The following HS3ST6 variants were observed in gnomAD, a reference collection of about 807,000 sequenced individuals.
HS3ST6 encodes the protein heparan sulfate-glucosamine 3-sulfotransferase 6, also known as heparan sulfate glucosamine 3-O-sulfotransferase 6.
HS3ST6 carries 13 observed loss-of-function variants against 11.0 expected under a neutral mutation model. That is an observed-to-expected ratio of 1.18 (90% CI 0.77 to 1.88). HS3ST6 has a LOEUF of 1.88. Among genes scored for constraint, HS3ST6 ranks in the 40% most tolerant of loss-of-function variants. The pLI is 0.00. For missense variants in HS3ST6, 541 were observed against 494.4 expected, an observed-to-expected ratio of 1.09 and a Z score of -0.89; for synonymous variants, 232 against 230.6, an observed-to-expected ratio of 1.01 and a Z score of -0.06.
chr16:1,912,272 G>C lies in HS3ST6; in HGVS notation c.414-67C>G. On this transcript the variant is annotated intron_variant, in intron 1 of 1. Coordinates refer to ENST00000454677, the MANE Select transcript of HS3ST6 (RefSeq NM_001009606.4). The surrounding 1 kb of genome is among the most constrained non-coding windows in gnomAD (Gnocchi z 5.6). ...GCCCTAGACCGGCCCCCAGGGGCCCGGGACCAAGGCCCCCTTATGCCCGGG... is the reference window on the plus strand; with the variant it reads ...GCCCTAGACCGGCCCCCAGGGGCCCCGGACCAAGGCCCCCTTATGCCCGGG... The C allele has an allele frequency of 8.7e-6, 11 of 1,265,074 alleles. No homozygotes were observed. The highest frequency in any genetic ancestry group is 1.1e-5 in the Non-Finnish European group (11 of 997,600). 78.4% of individuals were successfully genotyped at this position (1,265,074 alleles called of 1,614,324 possible). A position where few individuals can be genotyped will look rare whatever the true frequency, so the allele number is the denominator to read the frequency against.
Position 1,912,039 on chromosome 16 carries a change from T to A in HS3ST6, c.580A>T (p.Thr194Ser), listed in dbSNP as rs1388795517. ...VTRAISDYAQ[T>S]LSKTPGLPSF... The stretch of plus-strand genomic sequence containing the variant: ...GGCAGGCCCGGGGTCTTGGAGAGCG[T>A]CTGGGCGTAGTCGGAGATGGCCCGG... Residue 194 changes from threonine (T) to serine (S), a missense_variant, in exon 2 of 2, where the codon ACG becomes TCG. By Grantham distance (58) the Thr-to-Ser change is moderately conservative. Transcript: ENST00000454677. The surrounding 1 kb of genome is among the most constrained non-coding windows in gnomAD (Gnocchi z 5.6). 1 of 1,520,694 alleles carries A rather than the reference T, an allele frequency of 6.6e-7. No homozygotes were observed. The highest frequency in any genetic ancestry group is 8.8e-7 in the Non-Finnish European group (1 of 1,136,184). 94.2% of individuals were successfully genotyped at this position (1,520,694 alleles called of 1,614,324 possible). A position where few individuals can be genotyped will look rare whatever the true frequency, so the allele number is the denominator to read the frequency against.
upstream of HS3ST6, among the ~76,000 whole-genome samples, chr16:1,919,184 C>A (rs1039058804): frequency 6.6e-6 from 1 of 152,214 alleles, no homozygotes; most frequent in Non-Finnish European, 1.5e-5. Context: ...TGGCACTGCC[C>A]AGAGACATCA....
At chr16:1,918,771 G>A (rs2082945370), upstream of HS3ST6, among the ~76,000 whole-genome samples, 1 of 150,416 alleles carries the variant, frequency 6.6e-6, no homozygotes, top group South Asian at 2.2e-4. The surrounding 1 kb of genome is among the most constrained non-coding windows in gnomAD (Gnocchi z 6.0). Context: ...ACCCCACTCC[G>A]GGACGTGCGC....
At chr16:1,915,456 A>T (rs949690336) in intron 1 of HS3ST6, among the ~76,000 whole-genome samples, 3 of 152,134 alleles carry the variant, frequency 2.0e-5, no homozygotes, top group Admixed American at 1.3e-4. Flanking sequence ...TTGTATTTTT[A>T]GTAGAGATGG....
At position 1,912,856 on chromosome 16, in the gene HS3ST6, A is replaced by G. The variant is rs1170980958; in HGVS notation, c.414-651T>C. 1.3e-5 allele frequency among the ~76,000 whole-genome samples: 2 copies of G among 152,064 alleles called. No individual in the cohort carries two copies. The highest frequency in any genetic ancestry group is 2.1e-4 in the South Asian group (1 of 4,816). On this transcript the variant is annotated intron_variant, in intron 1 of 1. Coordinates refer to ENST00000454677, the MANE Select transcript of HS3ST6 (RefSeq NM_001009606.4). The surrounding 1 kb of genome is among the most constrained non-coding windows in gnomAD (Gnocchi z 5.6). ...ACCCAGGCTGGAGTGTAGTGGTGCA[A>G]TCTCGGCTCACTGCAACCTCTGCCT...
At chr16:1,920,571 C>T (rs1444100227), upstream of HS3ST6, among the ~76,000 whole-genome samples, 1 of 152,214 alleles carries the variant, frequency 6.6e-6, no homozygotes, top group East Asian at 1.9e-4. Context: ...CATCTCCTGG[C>T]CTTTCCGCTG....
At position 1,917,903 on chromosome 16, in the gene HS3ST6, G is replaced by T; in HGVS notation, c.413+8C>A. On this transcript the variant is annotated splice_region_variant and intron_variant, in intron 1 of 1. Transcript: ENST00000454677. The stretch of plus-strand genomic sequence containing the variant: ...CGCCGGTCAGGGCGGACGGGCCAGG[G>T]TGCTCACCGGTACCAGGCGAGGCCG... 6.9e-7 allele frequency: 1 copy of T among 1,449,056 alleles called. No homozygotes were observed. Among genetic ancestry groups the T allele is most frequent in the Non-Finnish European group, 9.1e-7 (1 of 1,100,436 alleles). 89.8% of individuals were successfully genotyped at this position (1,449,056 alleles called of 1,614,324 possible). A position where few individuals can be genotyped will look rare whatever the true frequency, so the allele number is the denominator to read the frequency against.
rs2082890767 is a variant in HS3ST6, at chr16:1,911,889, A to G, written c.730T>C (p.Phe244Leu). The G allele has an allele frequency of 1.2e-6, 2 of 1,606,722 alleles. No homozygotes were observed. Among genetic ancestry groups the G allele is most frequent in the African/African-American group, 2.7e-5 (2 of 74,816 alleles). The part of the protein sequence containing the change: ...HWLRYFPLSH[F>L]LFVSGERLVS... ...AGACGCTCCCCGCTGACGAACAGGA[A>G]GTGGGACAGGGGGAAGTAGCGCAGC... Residue 244 changes from phenylalanine (F) to leucine (L), a missense_variant, in exon 2 of 2, where the codon TTC becomes CTC. Coordinates refer to ENST00000454677, the MANE Select transcript of HS3ST6 (RefSeq NM_001009606.4).
In HS3ST6 at chr16:1,918,326, G is replaced by T. The variant is rs2082941701; in HGVS notation, c.-3C>A. On this transcript the variant is annotated 5_prime_UTR_variant, in exon 1 of 2. Transcript: ENST00000454677. This position sits in a 1 kb window ranked among gnomAD's most constrained non-coding sequence, Gnocchi z 6.0. ...CCCAGGCCGCCGCTACCTGCCATGG[G>T]GTCGCGCCGCTCCAGGCCCGGGAGC... is the stretch of plus-strand genomic sequence containing the variant. The T allele has an allele frequency of 2.3e-6, 1 of 433,560 alleles. No individual in the cohort carries two copies. The highest frequency in any genetic ancestry group is 1.0e-4 in the South Asian group (1 of 9,584). The allele number at this position is 433,560 out of a possible 1,614,324, so 26.9% of individuals were successfully genotyped here. A position where few individuals can be genotyped will look rare whatever the true frequency, so the allele number is the denominator to read the frequency against.
Position 1,912,894 on chromosome 16 carries a change from C to T in HS3ST6, c.414-689G>A, listed in dbSNP as rs920324016. ...GCAACCTCTGCCTCCCGGGTTCAAG[C>T]GATTTTCCTGCCTCAGCCCCCGGAG... On this transcript the variant is annotated intron_variant, in intron 1 of 1. Transcript: ENST00000454677. The surrounding 1 kb of genome is among the most constrained non-coding windows in gnomAD (Gnocchi z 5.6). Among the ~76,000 whole-genome samples the T allele has an allele frequency of 2.6e-5, 4 of 152,158 alleles. No individual in the cohort carries two copies. Among genetic ancestry groups the T allele is most frequent in the African/African-American group, 7.2e-5 (3 of 41,428 alleles).
At chr16:1,915,378 C>T (rs953750201) in intron 1 of HS3ST6, among the ~76,000 whole-genome samples, 1 of 152,194 alleles carries the variant, frequency 6.6e-6, no homozygotes, top group African/African-American at 2.4e-5. Context: ...CGGGTTCAAG[C>T]GATTCTCCTG....
intron 1 of HS3ST6, among the ~76,000 whole-genome samples, chr16:1,917,426 A>C (rs968361455): frequency 2.0e-5 from 3 of 152,084 alleles, no homozygotes; most frequent in Non-Finnish European, 2.9e-5. Flanking sequence ...AGGACCACCA[A>C]CAAGGGTTCC....
intron 1 of HS3ST6, 43 bp downstream of exon 1, chr16:1,917,868 C>T (rs2082936764): frequency 2.3e-6 from 3 of 1,316,960 alleles, no homozygotes; most frequent in East Asian, 3.1e-5. Context: ...CGATACCCTC[C>T]CCAGGAAGGC....
At chr16:1,920,354 T>C (rs3951148), upstream of HS3ST6, among the ~76,000 whole-genome samples, 35 of 53,072 alleles carry the variant, frequency 6.6e-4, no homozygotes, top group East Asian at 2.6e-3. Flanking sequence ...ACGGTCTGAG[T>C]CCCCACGGTC....
intron 1 of HS3ST6, among the ~76,000 whole-genome samples, chr16:1,917,362 C>T (rs1050711235): frequency 6.6e-6 from 1 of 152,210 alleles, no homozygotes; most frequent in African/African-American, 2.4e-5. Context: ...ACCCTGGGCA[C>T]TCACCTAAAG....
In HS3ST6 at chr16:1,911,644, C is replaced by T; in HGVS notation, c.975G>A (p.Arg325=). The change falls in exon 2 of 2, where the codon CGG becomes CGA. Residue 325 remains arginine, a synonymous_variant. Transcript: ENST00000454677. ...TCTGGTAGAACCTGCGGTTGAAGGG[C>T]CGGTAGAACTCCTGCAGGCGCCGGA... is the stretch of plus-strand genomic sequence containing the variant. The part of the protein sequence containing the change: ...ALVRRLQEFY[R]PFNRRFYQMT... 1.2e-6 allele frequency: 2 copies of T among 1,609,598 alleles called. No individual in the cohort carries two copies. Among genetic ancestry groups the T allele is most frequent in the South Asian group, 1.1e-5 (1 of 90,664 alleles).
At chr16:1,917,666 G>T (rs1172842282) in intron 1 of HS3ST6, among the ~76,000 whole-genome samples, 2 of 152,228 alleles carry the variant, frequency 1.3e-5, no homozygotes, top group African/African-American at 4.8e-5. Flanking sequence ...CCTCAGCAGA[G>T]AGAACGGAAC....
chr16:1,915,154 G>T (rs2082917663), intron 1 of HS3ST6, among the ~76,000 whole-genome samples: 1 of 152,210 alleles, frequency 6.6e-6, no homozygotes, highest in Non-Finnish European at 1.5e-5. Flanking sequence ...AGGAGACCGG[G>T]TTCTTCCCCA....
In HS3ST6 at chr16:1,911,750, T is replaced by A; in HGVS notation, c.869A>T (p.Lys290Met). The change falls in exon 2 of 2, where the codon AAG (lysine) becomes ATG (methionine). Residue 290 changes from lysine (K) to methionine (M), a missense_variant. Transcript: ENST00000454677. ...GGGACGGCTGCCGCCCTGGGCCTTC[T>A]TGAGGCAGGGGAAGCCCTTGGTGGC... ...FNATKGFPCL[K>M]KAQGGSRPRC... 1 of 1,613,668 alleles carries A rather than the reference T, an allele frequency of 6.2e-7. No homozygotes were observed. Among genetic ancestry groups the A allele is most frequent in the Non-Finnish European group, 8.5e-7 (1 of 1,179,764 alleles).
Sources: gnomAD v4.1 joint callset for allele counts (sites outside exome capture counted in the v4.1 genomes callset) on GRCh38, gnomAD v4.1.1 for gene constraint, Gnocchi (gnomAD v3.1) non-coding constraint, MANE v1.5 for transcripts, NCBI Gene and HGNC (gene_info 2026-07-23, HGNC 2026-07-21) for gene names.